The following CDHR1 variants were observed in gnomAD, a reference collection of about 807,000 sequenced individuals.
CDHR1 encodes cadherin-related family member 1.
CDHR1 carries 61 observed loss-of-function variants against 72.1 expected under a neutral mutation model. That is an observed-to-expected ratio of 0.85 (90% CI 0.69 to 1.05). The LOEUF is 1.05. Ranked by LOEUF, CDHR1 falls within the 50% of genes least tolerant of loss-of-function variation. The probability of loss-of-function intolerance (pLI) is 0.00; values close to 1 mark genes in which losing one functional copy is unlikely to be tolerated. For missense variants in CDHR1, 1,186 were observed against 1,115.7 expected, an observed-to-expected ratio of 1.06 and a Z score of -0.90; for synonymous variants, 470 against 448.1, an observed-to-expected ratio of 1.05 and a Z score of -0.62.
chr10:84,206,017 C>T, intron 10 of CDHR1, 90 bp downstream of exon 10: 1 of 953,002 alleles, frequency 1.0e-6, no homozygotes. Context: ...TTCCTGGGGC[C>T]CATAGTCTGG....
At position 84,216,647 on chromosome 10, in the gene CDHR1, G is replaced by A. The variant is rs999404171; in HGVS notation, c.*2026G>A. 8 of 985,434 alleles carry A rather than the reference G, an allele frequency of 8.1e-6. No homozygotes were observed. Among genetic ancestry groups the A allele is most frequent in the South Asian group, 4.7e-5 (1 of 21,292 alleles). 61.0% of individuals were successfully genotyped at this position (985,434 alleles called of 1,614,324 possible). ...GCTTCAGCAGGTGGATCCATTCTTC[G>A]ACCCCCAGATGTGACTCTAAAGAAG... On this transcript the variant is annotated 3_prime_UTR_variant, in exon 17 of 17. Coordinates refer to ENST00000623527, the MANE Select transcript of CDHR1 (RefSeq NM_033100.4).
At chr10:84,200,747 C>A (rs1167019084) in intron 6 of CDHR1, 60 bp downstream of exon 6, 1 of 1,226,194 alleles carries the variant, frequency 8.2e-7, no homozygotes, top group Non-Finnish European at 1.2e-6. Flanking sequence ...CCTAGATGGC[C>A]CCTACCTCCA....
chr10:84,199,618 C>G (rs1276891459), intron 5 of CDHR1, among the ~76,000 whole-genome samples: 1 of 152,104 alleles, frequency 6.6e-6, no homozygotes, highest in Non-Finnish European at 1.5e-5. Context: ...AGAATCATTG[C>G]CTGATGTTTG....
Position 84,214,511 on chromosome 10 carries a change from C to A in CDHR1, c.2470C>A (p.Gln824Lys). The A allele has an allele frequency of 6.2e-7, 1 of 1,604,576 alleles. No individual in the cohort carries two copies. The highest frequency in any genetic ancestry group is 8.5e-7 in the Non-Finnish European group (1 of 1,179,612). The stretch of plus-strand genomic sequence containing the variant: ...TGGCTCTCTCACTCCGCAGCCGACC[C>A]AACCCCCGCCAAAACCCAAAACTAT... ...VSGSLTPQPT[Q>K]PPPKPKTMGS... The change falls in exon 17 of 17, where the codon CAA becomes AAA. Residue 824 changes from glutamine (Q) to lysine (K), a missense_variant. Gln to Lys is a moderately conservative substitution (Grantham distance 53). Transcript: ENST00000623527.
chr10:84,217,475 C>A lies in CDHR1; in HGVS notation c.*2854C>A. 3.1e-6 allele frequency: 3 copies of A among 980,508 alleles called. No individual in the cohort carries two copies. The highest frequency in any genetic ancestry group is 9.4e-5 in the South Asian group (2 of 21,196). The allele number at this position is 980,508 out of a possible 1,614,324, so 60.7% of individuals were successfully genotyped here. The stretch of plus-strand genomic sequence containing the variant: ...GCCCTAGGTCTGAATTCTGGTTCTG[C>A]CATTAATTGTGACTTTGGGCAAGAG... On this transcript the variant is annotated 3_prime_UTR_variant, in exon 17 of 17. Coordinates refer to ENST00000623527, the MANE Select transcript of CDHR1 (RefSeq NM_033100.4).
chr10:84,195,500 C>T lies in CDHR1; in HGVS notation c.62C>T (p.Ala21Val). ...LGLLRLCLAQANFAPHFFDNG... is the reference protein window; with the variant it reads ...LGLLRLCLAQVNFAPHFFDNG... ...TTCTGTGTTCTTTTTCCAGCTCAGGCCAACTTCGCCCCGCACTTCTTCGAC... is the reference window on the plus strand; with the variant it reads ...TTCTGTGTTCTTTTTCCAGCTCAGGTCAACTTCGCCCCGCACTTCTTCGAC... Residue 21 changes from alanine (A) to valine (V), a missense_variant, in exon 2 of 17, where the codon GCC becomes GTC. Transcript: ENST00000623527. 6.2e-7 allele frequency: 1 copy of T among 1,613,934 alleles called. No homozygotes were observed. The highest frequency in any genetic ancestry group is 8.5e-7 in the Non-Finnish European group (1 of 1,179,892).
chr10:84,204,524 G>C lies in CDHR1; in HGVS notation c.784-3G>C, dbSNP rs201384219. 1 of 1,610,234 alleles carries C rather than the reference G, an allele frequency of 6.2e-7. No individual in the cohort carries two copies. Among genetic ancestry groups the C allele is most frequent in the Admixed American group, 1.7e-5 (1 of 59,998 alleles). ...AGGCAGCGGCTGTTCCTGTTTCCCC[G>C]AGGGCTCGGAGGTACTGAAGGTGGT... On this transcript the variant is annotated splice_polypyrimidine_tract_variant and splice_region_variant and intron_variant, in intron 8 of 16. Coordinates refer to ENST00000623527, the MANE Select transcript of CDHR1 (RefSeq NM_033100.4).
rs111404815 is a variant in CDHR1, at chr10:84,195,948, G to C, written c.151+359G>C. Reference sequence around the variant, plus strand: ...CATCCAACTTGCTGAGATATGCAGAGAGAGGGGAGGAGAAAGGGGAGATTT... The same window carrying C: ...CATCCAACTTGCTGAGATATGCAGACAGAGGGGAGGAGAAAGGGGAGATTT... On this transcript the variant is annotated intron_variant, in intron 2 of 16. Coordinates refer to ENST00000623527, the MANE Select transcript of CDHR1 (RefSeq NM_033100.4). Among the ~76,000 whole-genome samples, 486 of 152,348 alleles carry C rather than the reference G, an allele frequency of 3.2e-3. 2 individuals carry two copies. The highest frequency in any genetic ancestry group is 0.011 in the African/African-American group (457 of 41,580).
At position 84,195,546 on chromosome 10, in the gene CDHR1, C is replaced by T. The variant is rs143674495; in HGVS notation, c.108C>T (p.Asn36=). The part of the protein sequence containing the change: ...HFFDNGVGST[N]GNMALFSLPE... ...TCGACAACGGGGTCGGCAGCACCAA[C>T]GGAAACATGGCTCTGTTCAGCCTCC... The change falls in exon 2 of 17, where the codon AAC becomes AAT. Residue 36 remains asparagine, a synonymous_variant. Coordinates refer to ENST00000623527, the MANE Select transcript of CDHR1 (RefSeq NM_033100.4). 149 of 1,614,174 alleles carry T rather than the reference C, an allele frequency of 9.2e-5. No individual in the cohort carries two copies. In the South Asian group the frequency reaches 1.5e-3, roughly 16 times the overall value.
Position 84,196,514 on chromosome 10 carries a change from T to C in CDHR1, c.161T>C (p.Val54Ala). ...CTGTGTTTCCTTCCAGGCTCTCACG[T>C]ATACACCCTGAATGGGACAGACCCT... Reference protein sequence around the residue: ...LPEDTPVGSHVYTLNGTDPEG... With the variant: ...LPEDTPVGSHAYTLNGTDPEG... The change falls in exon 3 of 17, where the codon GTA becomes GCA. Residue 54 changes from valine to alanine, a missense_variant. Coordinates refer to ENST00000623527, the MANE Select transcript of CDHR1 (RefSeq NM_033100.4). The C allele has an allele frequency of 6.2e-7, 1 of 1,614,200 alleles. No individual in the cohort carries two copies. The highest frequency in any genetic ancestry group is 8.5e-7 in the Non-Finnish European group (1 of 1,180,018).
chr10:84,208,793 A>G lies in CDHR1; in HGVS notation c.1232A>G (p.Gln411Arg). ...GPRGIFRVVP[Q>R]TVLNEAQVTI... Reference sequence around the variant, plus strand: ...AGGGGCATCTTCCGAGTGGTTCCACAGACAGTCCTGAATGAAGCCCAAGTC... The same window carrying G: ...AGGGGCATCTTCCGAGTGGTTCCACGGACAGTCCTGAATGAAGCCCAAGTC... The change falls in exon 12 of 17, where the codon CAG becomes CGG. Residue 411 changes from glutamine (Q) to arginine (R), a missense_variant. Gln to Arg is a conservative substitution (Grantham distance 43, BLOSUM62 1). Transcript: ENST00000623527. 6.2e-7 allele frequency: 1 copy of G among 1,614,220 alleles called. No individual in the cohort carries two copies. The highest frequency in any genetic ancestry group is 8.5e-7 in the Non-Finnish European group (1 of 1,180,024).
rs145469244 is a variant in CDHR1, at chr10:84,215,323, C to T, written c.*702C>T. ...TCTTGCCAAGAGTGAGGGCAGATGT[C>T]TCCAGCCAGGACTGCCCTGAGCCGC... On this transcript the variant is annotated 3_prime_UTR_variant, in exon 17 of 17. Coordinates refer to ENST00000623527, the MANE Select transcript of CDHR1 (RefSeq NM_033100.4). 2.7e-4 allele frequency: 271 copies of T among 986,668 alleles called. 3 individuals are homozygous for T. In the African/African-American group the frequency reaches 4.3e-3, roughly 15 times the overall value. 61.1% of individuals were successfully genotyped at this position (986,668 alleles called of 1,614,324 possible).
At chr10:84,203,991 G>A (rs957651615) in intron 8 of CDHR1, among the ~76,000 whole-genome samples, 1 of 152,172 alleles carries the variant, frequency 6.6e-6, no homozygotes, top group Non-Finnish European at 1.5e-5. Flanking sequence ...GGGGGCTTAA[G>A]AGGGGACAAC....
Position 84,205,832 on chromosome 10 carries a change from G to A in CDHR1, c.868G>A (p.Asp290Asn), listed in dbSNP as rs373576430. The A allele has an allele frequency of 5.6e-6, 9 of 1,613,378 alleles. No individual in the cohort carries two copies. Among genetic ancestry groups the A allele is most frequent in the African/African-American group, 4.0e-5 (3 of 74,896 alleles). Residue 290 changes from aspartate to asparagine, a missense_variant, in exon 10 of 17, where the codon GAT becomes AAT. By Grantham distance (23) the Asp-to-Asn change is conservative. Coordinates refer to ENST00000623527, the MANE Select transcript of CDHR1 (RefSeq NM_033100.4). ...GGGTGCATCTCCCTTGACAGGGAACGATGGAGCCTTTGAAATTAATGAGAC... is the reference window on the plus strand; with the variant it reads ...GGGTGCATCTCCCTTGACAGGGAACAATGGAGCCTTTGAAATTAATGAGAC... ...RILYSLVNGNDGAFEINETSG... is the reference protein window; with the variant it reads ...RILYSLVNGNNGAFEINETSG...
At chr10:84,204,741 T>C (rs4606427) in intron 9 of CDHR1, 136 bp downstream of exon 9, 43,598 of 676,896 alleles carry the variant, frequency 0.064, 2,624 homozygotes, top group East Asian at 0.18. Flanking sequence ...AAGGGCTGTG[T>C]CCAAGACAAG....
intron 9 of CDHR1, 177 bp from the exon 10 acceptor site, chr10:84,205,650 T>C (rs1842211183): frequency 1.5e-6 from 1 of 663,514 alleles, no homozygotes; most frequent in Admixed American, 2.1e-5. Flanking sequence ...ACTAACTGTG[T>C]AGCCTTAGAC....
chr10:84,195,604 C>A lies in CDHR1; in HGVS notation c.151+15C>A, dbSNP rs1389693727. The A allele has an allele frequency of 3.1e-5, 49 of 1,603,716 alleles. No homozygotes were observed. Among genetic ancestry groups the A allele is most frequent in the Non-Finnish European group, 4.1e-5 (48 of 1,171,110 alleles). On this transcript the variant is annotated intron_variant, in intron 2 of 16. Coordinates refer to ENST00000623527, the MANE Select transcript of CDHR1 (RefSeq NM_033100.4). ...CACCCCTGTAGGTGAGTAGCCCTGG[C>A]ACCTGCTCCCGATAGGTCTCCCTGA...
chr10:84,215,425 G>A lies in CDHR1; in HGVS notation c.*804G>A, dbSNP rs189789801. On this transcript the variant is annotated 3_prime_UTR_variant, in exon 17 of 17. Transcript: ENST00000623527. ...CATCAGGGCTGCTCTCTGAGGAGCT[G>A]CCCCACCAGCCATCCTTGAAGAGAC... 123 of 985,498 alleles carry A rather than the reference G, an allele frequency of 1.2e-4. No homozygotes were observed. The highest frequency in any genetic ancestry group is 1.4e-4 in the Non-Finnish European group (114 of 829,982). 61.0% of individuals were successfully genotyped at this position (985,498 alleles called of 1,614,324 possible). A position where few individuals can be genotyped will look rare whatever the true frequency, so the allele number is the denominator to read the frequency against.
rs1228748135 is a variant in CDHR1 at position 84,218,377 on chromosome 10, G to A, written c.*3756G>A. ...AATCGTGCACATGTACCCCTTTTGA[G>A]GCCTGAATGAGGTTCGGTTATTTAT... On this transcript the variant is annotated 3_prime_UTR_variant, in exon 17 of 17. Coordinates refer to ENST00000623527, the MANE Select transcript of CDHR1 (RefSeq NM_033100.4). 3.9e-5 allele frequency: 38 copies of A among 985,294 alleles called. No homozygotes were observed. Among genetic ancestry groups the A allele is most frequent in the Non-Finnish European group, 4.2e-5 (35 of 829,944 alleles). The allele number at this position is 985,294 out of a possible 1,614,324, so 61.0% of individuals were successfully genotyped here.
Sources: gnomAD v4.1 joint callset for allele counts (sites outside exome capture counted in the v4.1 genomes callset) on GRCh38, gnomAD v4.1.1 for gene constraint, MANE v1.5 for transcripts, NCBI Gene and HGNC (gene_info 2026-07-23, HGNC 2026-07-21) for gene names.